The following CNTNAP2 variants were observed in gnomAD, a reference collection of about 807,000 sequenced individuals.
CNTNAP2 encodes contactin-associated protein-like 2.
CNTNAP2 carries 98 observed loss-of-function variants against 155.2 expected under a neutral mutation model. The ratio of observed to expected loss-of-function variants is 0.63; its 90% CI spans 0.54 to 0.75. The LOEUF is 0.75. Among genes scored for constraint, CNTNAP2 ranks in the 30% least tolerant of loss-of-function variants. The pLI is 0.00. For synonymous variants in CNTNAP2, 651 were observed against 631.2 expected (o/e 1.03, Z -0.47); for missense variants, 1,727 against 1,688.1 (o/e 1.02, Z -0.40).
At chr7:148,238,942 T>G (rs368410949) in intron 20 of CNTNAP2, among the ~76,000 whole-genome samples, 2 of 152,356 alleles carry the variant, frequency 1.3e-5, no homozygotes, top group East Asian at 3.9e-4. Context: ...TCAGAAGTTG[T>G]TCATGCCTTT....
chr7:146,295,334 T>TTTTGTTTG (rs112380078), intron 1 of CNTNAP2, among the ~76,000 whole-genome samples: 1 of 151,624 alleles, frequency 6.6e-6, no homozygotes, highest in African/African-American at 2.4e-5. Flanking sequence ...TTGTTTTGCT[T>TTTTGTTTG]TTTGTTTGTT....
intron 4 of CNTNAP2, among the ~76,000 whole-genome samples, chr7:147,083,818 A>ATATACATATACACATGTATGTACATATTG (rs1800200228): frequency 7.1e-6 from 1 of 141,806 alleles, no homozygotes. Flanking sequence ...TGTACATATT[A>ATATACATATACACATGTATGTACATATTG]TATACATATA....
intron 20 of CNTNAP2, among the ~76,000 whole-genome samples, chr7:148,230,551 T>C (rs1256665493): frequency 6.6e-6 from 1 of 151,678 alleles, no homozygotes; most frequent in Admixed American, 6.6e-5. Context: ...TAAAGTGGAG[T>C]GTCATTTGGC....
At chr7:147,199,591 G>C (rs1439294281) in intron 8 of CNTNAP2, among the ~76,000 whole-genome samples, 1 of 151,416 alleles carries the variant, frequency 6.6e-6, no homozygotes, top group African/African-American at 2.4e-5. Flanking sequence ...TGATTGAATA[G>C]AATGGGTTTT....
chr7:146,355,821 G>T (rs1451959931), intron 1 of CNTNAP2, among the ~76,000 whole-genome samples: 1 of 152,050 alleles, frequency 6.6e-6, no homozygotes, highest in African/African-American at 2.4e-5. Context: ...AATGTCTATT[G>T]ACCCAACTGG....
chr7:146,486,199 G>C (rs972183434), intron 1 of CNTNAP2, among the ~76,000 whole-genome samples: 4 of 151,378 alleles, frequency 2.6e-5, no homozygotes, highest in Admixed American at 2.6e-4. Flanking sequence ...CGAGTAGCTG[G>C]GACTACAGGC....
chr7:147,824,750 G>C (rs1047946139), intron 13 of CNTNAP2, among the ~76,000 whole-genome samples: 1 of 151,330 alleles, frequency 6.6e-6, no homozygotes, highest in Non-Finnish European at 1.5e-5. Context: ...TTCTTTAATT[G>C]CAGAGCCTCA....
At chr7:146,195,809 C>T (rs1297341461) in intron 1 of CNTNAP2, among the ~76,000 whole-genome samples, 2 of 152,314 alleles carry the variant, frequency 1.3e-5, no homozygotes, top group East Asian at 1.9e-4. Flanking sequence ...ACGCACGCCT[C>T]AGAATGATGT....
chr7:146,936,821 C>A (rs1299686340), intron 3 of CNTNAP2, among the ~76,000 whole-genome samples: 1 of 152,164 alleles, frequency 6.6e-6, no homozygotes, highest in African/African-American at 2.4e-5. Context: ...TTTCTGTAGG[C>A]CACTTCCCTT....
chr7:147,434,125 T>C (rs1386773720), intron 10 of CNTNAP2, among the ~76,000 whole-genome samples: 2 of 152,186 alleles, frequency 1.3e-5, no homozygotes, highest in Non-Finnish European at 2.9e-5. Context: ...AGAAATATGT[T>C]CTTGATGCCT....
chr7:148,254,181 C>T (rs1423785341), intron 20 of CNTNAP2, among the ~76,000 whole-genome samples: 1 of 152,110 alleles, frequency 6.6e-6, no homozygotes, highest in Non-Finnish European at 1.5e-5. Flanking sequence ...TCAAAACTGA[C>T]CAGTCCCATC....
At chr7:146,179,793 T>C (rs957451008) in intron 1 of CNTNAP2, among the ~76,000 whole-genome samples, 1 of 152,176 alleles carries the variant, frequency 6.6e-6, no homozygotes, top group Non-Finnish European at 1.5e-5. Flanking sequence ...GATTAGTGAC[T>C]AAAATGAAAA....
chr7:147,586,522 A>AAGAGG (rs375042446), intron 12 of CNTNAP2, among the ~76,000 whole-genome samples: 6 of 25,062 alleles, frequency 2.4e-4, no homozygotes, highest in Admixed American at 5.3e-4. Flanking sequence ...CAGAGAGAGA[A>AAGAGG]GAGGAAGGAA....
rs117222173 is a variant in CNTNAP2 at position 147,619,068 on chromosome 7, A to G, written c.1898-20038A>G. Reference sequence around the variant, plus strand: ...TACCATTAAATCAGCAGTATTTACAACAAAATAAATTGTGACAATTTAAAA... The same window carrying G: ...TACCATTAAATCAGCAGTATTTACAGCAAAATAAATTGTGACAATTTAAAA... On this transcript the variant is annotated intron_variant, in intron 12 of 23. Coordinates refer to ENST00000361727, the MANE Select transcript of CNTNAP2 (RefSeq NM_014141.6). Among the ~76,000 whole-genome samples, 281 of 152,320 alleles carry G rather than the reference A, an allele frequency of 1.8e-3. 1 individual carries two copies. The highest frequency in any genetic ancestry group is 2.5e-3 in the Non-Finnish European group (169 of 68,032).
rs187750488 is a variant in CNTNAP2 at position 147,838,489 on chromosome 7, C to A, written c.2099-65076C>A. The stretch of plus-strand genomic sequence containing the variant: ...TTAAACTGAATGCCTTTAAGAGCAC[C>A]CAAGTCACCTCTTCAATGTTTTTCT... On this transcript the variant is annotated intron_variant, in intron 13 of 23. Transcript: ENST00000361727. Among the ~76,000 whole-genome samples the A allele has an allele frequency of 2.1e-4, 32 of 152,160 alleles. 1 individual carries two copies. The highest frequency in any genetic ancestry group is 7.0e-4 in the African/African-American group (29 of 41,504).
chr7:146,276,470 C>T (rs1385130725), intron 1 of CNTNAP2, among the ~76,000 whole-genome samples: 1 of 152,176 alleles, frequency 6.6e-6, no homozygotes, highest in Non-Finnish European at 1.5e-5. Flanking sequence ...ATGAATGAAT[C>T]TTTAATGTTT....
intron 10 of CNTNAP2, among the ~76,000 whole-genome samples, chr7:147,447,874 A>G (rs967241883): frequency 8.5e-5 from 13 of 152,086 alleles, no homozygotes; most frequent in African/African-American, 3.1e-4. Flanking sequence ...TATGGCTAGT[A>G]TCAAGAAAGT....
intron 1 of CNTNAP2, among the ~76,000 whole-genome samples, chr7:146,291,295 C>T (rs1265854997): frequency 1.3e-5 from 2 of 152,090 alleles, no homozygotes; most frequent in African/African-American, 4.8e-5. Context: ...CCAAATTCAG[C>T]TAGGTGCTTT....
chr7:146,141,196 G>C (rs775437801), intron 1 of CNTNAP2, among the ~76,000 whole-genome samples: 11 of 152,124 alleles, frequency 7.2e-5, no homozygotes, highest in Non-Finnish European at 1.5e-4. Flanking sequence ...TGGCACAAAG[G>C]GCACCTGTGT....
Sources: allele counts gnomAD v4.1 joint callset (sites outside exome capture counted in the v4.1 genomes callset), GRCh38; gene constraint gnomAD v4.1.1; transcripts MANE v1.5; gene names NCBI Gene and HGNC (gene_info 2026-07-23, HGNC 2026-07-21).